The following FNTB variants were observed in gnomAD, a reference collection of about 807,000 sequenced individuals.
FNTB encodes the protein protein farnesyltransferase subunit beta.
FNTB carries 27 observed loss-of-function variants against 59.4 expected under a neutral mutation model. The observed-to-expected ratio is 0.45, with a 90% CI of 0.34 to 0.63. The LOEUF is 0.63. FNTB is among the 20% of genes least tolerant of loss of function. The pLI is 0.02. For synonymous variants in FNTB, 230 were observed against 220.7 expected (o/e 1.04, Z -0.37); for missense variants, 449 against 559.6 (o/e 0.80, Z 1.99).
rs1322465499 is a variant in FNTB, at chr14:65,054,794, G to A, written c.1182+105G>A. ...CTCTGCATTTCCTGTGTGGACAGGC[G>A]GAAGCTTGTGGTCCCTCTGCCCTTC... On this transcript the variant is annotated intron_variant, in intron 11 of 11. Transcript: ENST00000246166. The surrounding 1 kb of genome is among the most constrained non-coding windows in gnomAD (Gnocchi z 4.4). 6.8e-5 allele frequency: 84 copies of A among 1,233,346 alleles called. No individual in the cohort carries two copies. Among genetic ancestry groups the A allele is most frequent in the Non-Finnish European group, 9.0e-5 (79 of 880,022 alleles). The allele number at this position is 1,233,346 out of a possible 1,614,324, so 76.4% of individuals were successfully genotyped here. A position where few individuals can be genotyped will look rare whatever the true frequency, so the allele number is the denominator to read the frequency against.
chr14:65,015,410 CTTTTTTTTTTTT>C (rs888923691), intron 3 of FNTB: 3 of 155,764 alleles, frequency 1.9e-5, no homozygotes, highest in African/African-American at 3.1e-5. Flanking sequence ...GCCTTGTTAT[CTTTTTTTTTTTT>C]TTTTTTTTTT....
intron 1 of FNTB, among the ~76,000 whole-genome samples, chr14:64,996,746 G>A (rs984487696): frequency 1.4e-5 from 2 of 141,810 alleles, no homozygotes; most frequent in African/African-American, 2.5e-5. Flanking sequence ...CTATAACTGA[G>A]AATTAACATT....
At chr14:65,039,743 C>T (rs978586891) in intron 7 of FNTB, among the ~76,000 whole-genome samples, 3 of 152,322 alleles carry the variant, frequency 2.0e-5, no homozygotes, top group South Asian at 2.1e-4. Context: ...GCTCATGGTT[C>T]TGCAGGCTGT....
chr14:65,036,172 C>G (rs138852871), intron 7 of FNTB, among the ~76,000 whole-genome samples: 3 of 152,138 alleles, frequency 2.0e-5, no homozygotes, highest in Non-Finnish European at 4.4e-5. Flanking sequence ...CAAGTTATTC[C>G]ACTGCTCTGT....
intron 9 of FNTB, among the ~76,000 whole-genome samples, chr14:65,046,796 T>C (rs955571005): frequency 6.6e-6 from 1 of 151,980 alleles, no homozygotes; most frequent in Non-Finnish European, 1.5e-5. Flanking sequence ...TAGTGAAGAG[T>C]TGACTACAAA....
chr14:65,001,736 T>C lies in FNTB; in HGVS notation c.145-2513T>C, dbSNP rs1424020948. ...ATATTTTTCTATCCCATTCAGCTTATACGCATGACTGAGAAATGCAGTCTG... is the reference window on the plus strand; with the variant it reads ...ATATTTTTCTATCCCATTCAGCTTACACGCATGACTGAGAAATGCAGTCTG... On this transcript the variant is annotated intron_variant, in intron 1 of 11. Transcript: ENST00000246166. The surrounding 1 kb of genome is among the most constrained non-coding windows in gnomAD (Gnocchi z 5.5). 6.6e-6 allele frequency among the ~76,000 whole-genome samples: 1 copy of C among 152,244 alleles called. No individual in the cohort carries two copies. The highest frequency in any genetic ancestry group is 2.4e-5 in the African/African-American group (1 of 41,472).
chr14:65,024,581 A>C (rs2139563062), intron 4 of FNTB, among the ~76,000 whole-genome samples: 1 of 152,342 alleles, frequency 6.6e-6, no homozygotes, highest in Non-Finnish European at 1.5e-5. Flanking sequence ...CACGTAAGCT[A>C]GAATGAAATG....
intron 1 of FNTB, among the ~76,000 whole-genome samples, chr14:64,996,766 C>CTTTT (rs34327825): frequency 7.4e-5 from 7 of 94,430 alleles, no homozygotes; most frequent in South Asian, 4.4e-4. Flanking sequence ...TTGCTAACAT[C>CTTTT]TTTTTTTTTT....
intron 7 of FNTB, among the ~76,000 whole-genome samples, chr14:65,040,473 CTCTT>C (rs2062324213): frequency 6.6e-6 from 1 of 151,914 alleles, no homozygotes; most frequent in African/African-American, 2.4e-5. Flanking sequence ...CCTAGTCTCA[CTCTT>C]TCACCCGGGC....
intron 11 of FNTB, among the ~76,000 whole-genome samples, chr14:65,059,496 C>T (rs2062813760): frequency 6.6e-6 from 1 of 151,996 alleles, no homozygotes; most frequent in Non-Finnish European, 1.5e-5. Flanking sequence ...TTCATGTAGG[C>T]CTTTAAAAAT....
In FNTB at chr14:65,044,216, A is replaced by G. The variant is rs1280334214; in HGVS notation, c.823-95A>G. The G allele has an allele frequency of 1.9e-6, 3 of 1,586,034 alleles. No individual in the cohort carries two copies. The highest frequency in any genetic ancestry group is 2.6e-6 in the Non-Finnish European group (3 of 1,169,224). On this transcript the variant is annotated intron_variant, in intron 8 of 11. Coordinates refer to ENST00000246166, the MANE Select transcript of FNTB (RefSeq NM_002028.4). This position sits in a 1 kb window ranked among gnomAD's most constrained non-coding sequence, Gnocchi z 5.5. ...GTGCCAAGAAGCCACAAGATGGGAA[A>G]CCCTCCATCCCACAGATTGACTCCT...
Position 65,011,957 on chromosome 14 carries a change from A to T in FNTB, c.210-360A>T, listed in dbSNP as rs903918426. Among the ~76,000 whole-genome samples, 4 of 152,106 alleles carry T rather than the reference A, an allele frequency of 2.6e-5. No homozygotes were observed. The highest frequency in any genetic ancestry group is 9.7e-5 in the African/African-American group (4 of 41,398). The stretch of plus-strand genomic sequence containing the variant: ...GATTTAAATTGCTTATAGGATGGGG[A>T]GGCACAAAGATATCTGTTCTTAGAT... On this transcript the variant is annotated intron_variant, in intron 2 of 11. Transcript: ENST00000246166. This position sits in a 1 kb window ranked among gnomAD's most constrained non-coding sequence, Gnocchi z 4.0.
intron 4 of FNTB, among the ~76,000 whole-genome samples, chr14:65,017,422 A>G (rs1401803329): frequency 6.6e-6 from 1 of 152,166 alleles, no homozygotes; most frequent in African/African-American, 2.4e-5. Flanking sequence ...CCGCAGACCC[A>G]TGAAAAACTG....
Position 65,012,697 on chromosome 14 carries a change from C to G in FNTB, c.282+308C>G, listed in dbSNP as rs565213043. 3.9e-5 allele frequency among the ~76,000 whole-genome samples: 6 copies of G among 152,322 alleles called. No individual in the cohort carries two copies. The South Asian group carries it at 1.2e-3, about 32-fold the overall frequency. ...TTGACAGCTGGCTAAATGCCAGTTA[C>G]CTGTTCACCCTTAACCCTTTGCCCT... On this transcript the variant is annotated intron_variant, in intron 3 of 11. Transcript: ENST00000246166. The surrounding 1 kb of genome is among the most constrained non-coding windows in gnomAD (Gnocchi z 5.0).
intron 1 of FNTB, among the ~76,000 whole-genome samples, chr14:64,998,504 G>C (rs111807189): frequency 0.038 from 5,718 of 152,336 alleles, 116 homozygotes; most frequent in Middle Eastern, 0.075. Flanking sequence ...AGATGTCCTT[G>C]TGGAGATATT....
intron 8 of FNTB, 45 bp downstream of exon 8, chr14:65,040,964 G>C: frequency 6.2e-7 from 1 of 1,603,170 alleles, no homozygotes; most frequent in Non-Finnish European, 8.5e-7. Context: ...CCAGGTCATG[G>C]TGATGTGATT....
intron 8 of FNTB, among the ~76,000 whole-genome samples, chr14:65,042,064 T>A (rs926548437): frequency 4.6e-5 from 7 of 152,034 alleles, no homozygotes; most frequent in Non-Finnish European, 8.8e-5. Flanking sequence ...GAGAGAACAT[T>A]TATAAACAGC....
chr14:65,044,675 C>G lies in FNTB; in HGVS notation c.955+232C>G. 1 of 646,482 alleles carries G rather than the reference C, an allele frequency of 1.5e-6. No individual in the cohort carries two copies. Among genetic ancestry groups the G allele is most frequent in the East Asian group, 3.6e-5 (1 of 27,914 alleles). 40.0% of individuals were successfully genotyped at this position (646,482 alleles called of 1,614,324 possible). On this transcript the variant is annotated intron_variant, in intron 9 of 11. Coordinates refer to ENST00000246166, the MANE Select transcript of FNTB (RefSeq NM_002028.4). The surrounding 1 kb of genome is among the most constrained non-coding windows in gnomAD (Gnocchi z 5.5). ...TTCAAATTGGCTGCGACAGAATGAG[C>G]TTCCTTGAAATTGCTACGGGGAGCG... is the stretch of plus-strand genomic sequence containing the variant.
In FNTB at chr14:65,060,652, C is replaced by T. The variant is rs1342757964; in HGVS notation, c.1183-529C>T. Among the ~76,000 whole-genome samples, 63 of 118,810 alleles carry T rather than the reference C, an allele frequency of 5.3e-4. 17 individuals carry two copies. Among genetic ancestry groups the T allele is most frequent in the African/African-American group, 2.7e-3 (52 of 19,556 alleles). 77.9% of individuals were successfully genotyped at this position (118,810 alleles called of 152,430 possible). ...CGGAGCTTGCAGTGAGCCGAGATCC[C>T]GCCACTGCACTCCAGCCTGGGCGAC... On this transcript the variant is annotated intron_variant, in intron 11 of 11. Transcript: ENST00000246166.
Sources: gnomAD v4.1 joint callset for allele counts (sites outside exome capture counted in the v4.1 genomes callset) on GRCh38, gnomAD v4.1.1 for gene constraint, Gnocchi (gnomAD v3.1) non-coding constraint, MANE v1.5 for transcripts, NCBI Gene and HGNC (gene_info 2026-07-23, HGNC 2026-07-21) for gene names.